Variants in ADAMTS9 observed in about 807,000 individuals in gnomAD.
The protein encoded by ADAMTS9 is ADAM metallopeptidase with thrombospondin type 1 motif 9.
In ADAMTS9, 107 loss-of-function variants were observed where a neutral mutation model predicts 257.1. The ratio of observed to expected loss-of-function variants is 0.42; its 90% CI spans 0.36 to 0.49. ADAMTS9 has a LOEUF of 0.49. Among genes scored for constraint, ADAMTS9 ranks in the 20% least tolerant of loss-of-function variants. The pLI is 0.03. For missense variants in ADAMTS9, 2,353 were observed against 2,469.1 expected (o/e 0.95, Z 1.00); for synonymous variants, 982 against 880.9 (o/e 1.11, Z -2.03).
At chr3:64,655,908 G>A in intron 4 of ADAMTS9, 33 bp from the exon 5 acceptor site, 1 of 1,389,216 alleles carries the variant, frequency 7.2e-7, no homozygotes, top group Non-Finnish European at 9.8e-7. Context: ...AAAGTTAATT[G>A]TGAACTCCGT....
At position 64,602,014 on chromosome 3, in the gene ADAMTS9, G is replaced by C. The variant is rs1297111412; in HGVS notation, c.3947C>G (p.Pro1316Arg). The change falls in exon 26 of 40, where the codon CCC (proline) becomes CGC (arginine). Residue 1316 changes from proline to arginine, a missense_variant. Physicochemically the swap from Pro to Arg is moderately radical, Grantham distance 103. Around this residue, in one of 3 missense-constraint regions of ADAMTS9, gnomAD observed 1,402 missense variants for 1,441.4 expected, o/e 0.97. Transcript: ENST00000498707. ...QHPFQNEDYR[P>R]RSASPSRTHV... is the part of the protein sequence containing the mutation. ...GGTGCGGCTGGGGCTGGCGCTCCGG[G>C]GACGATAGTCCTCATTTTGGAAGGG... 4.3e-6 allele frequency: 7 copies of C among 1,613,872 alleles called. No individual in the cohort carries two copies. Among genetic ancestry groups the C allele is most frequent in the Non-Finnish European group, 5.9e-6 (7 of 1,179,990 alleles).
At chr3:64,548,570 C>A (rs907295921) in intron 31 of ADAMTS9, among the ~76,000 whole-genome samples, 14 of 145,268 alleles carry the variant, frequency 9.6e-5, no homozygotes, top group Admixed American at 7.1e-4. Context: ...AAACCAGGAG[C>A]AAAAGTCGTC....
chr3:64,622,443 T>A lies in ADAMTS9; in HGVS notation c.2533A>T (p.Ile845Phe). The stretch of plus-strand genomic sequence containing the variant: ...ACCTGAAGCAAAAGTTCTTGCTCAA[T>A]GCGATCTGTTGAGTTAATTCTTTCT... ...AVERINSTDRIEQELLLQVLS... is the reference protein window; with the variant it reads ...AVERINSTDRFEQELLLQVLS... Residue 845 changes from isoleucine to phenylalanine, a missense_variant, in exon 17 of 40, where the codon ATT (isoleucine) becomes TTT (phenylalanine). This residue lies in a region of ADAMTS9 where 1,402 missense variants were observed against 1,441.4 expected (regional missense o/e 0.97). Transcript: ENST00000498707. 6.2e-7 allele frequency: 1 copy of A among 1,614,000 alleles called. No individual in the cohort carries two copies. Among genetic ancestry groups the A allele is most frequent in the Non-Finnish European group, 8.5e-7 (1 of 1,179,968 alleles).
intron 38 of ADAMTS9, among the ~76,000 whole-genome samples, chr3:64,528,992 C>T (rs372147310): frequency 2.0e-5 from 3 of 152,130 alleles, no homozygotes; most frequent in Non-Finnish European, 4.4e-5. Context: ...CAGCCACTGA[C>T]GGTTTTCACT....
intron 8 of ADAMTS9, among the ~76,000 whole-genome samples, chr3:64,653,883 C>G (rs1396535775): frequency 6.6e-6 from 1 of 152,112 alleles, no homozygotes; most frequent in Non-Finnish European, 1.5e-5. Context: ...CTACTGTTCC[C>G]AGTGCTAAAT....
At chr3:64,552,408 C>T (rs1296026295) in intron 30 of ADAMTS9, among the ~76,000 whole-genome samples, 1 of 152,162 alleles carries the variant, frequency 6.6e-6, no homozygotes, top group Non-Finnish European at 1.5e-5. Context: ...TGTCACCCAA[C>T]ATTTCAAGAC....
chr3:64,560,917 G>T (rs2083409854), intron 30 of ADAMTS9, among the ~76,000 whole-genome samples: 1 of 151,974 alleles, frequency 6.6e-6, no homozygotes, highest in Non-Finnish European at 1.5e-5. Context: ...GGAAACAGAG[G>T]TTACCTCCTA....
intron 3 of ADAMTS9, among the ~76,000 whole-genome samples, chr3:64,670,436 C>A (rs1337603120): frequency 6.6e-6 from 1 of 152,164 alleles, no homozygotes; most frequent in Non-Finnish European, 1.5e-5. Flanking sequence ...ATTTTTTGGG[C>A]AAGCTCTATA....
chr3:64,627,022 T>A (rs564040489), intron 16 of ADAMTS9, among the ~76,000 whole-genome samples: 1 of 152,198 alleles, frequency 6.6e-6, no homozygotes, highest in East Asian at 1.9e-4. Context: ...GACAGTATGA[T>A]GTGCTGTCAA....
chr3:64,621,104 A>T lies in ADAMTS9; in HGVS notation c.2813+10T>A. 1.2e-6 allele frequency: 2 copies of T among 1,601,122 alleles called. No homozygotes were observed. Among genetic ancestry groups the T allele is most frequent in the Non-Finnish European group, 1.7e-6 (2 of 1,175,252 alleles). ...TCAGTAATAAAGGCCTTGAGAAAAC[A>T]GTGGCCCACCTCAGGTCACAGTCTG... is the stretch of plus-strand genomic sequence containing the variant. On this transcript the variant is annotated intron_variant, in intron 19 of 39. Transcript: ENST00000498707.
At position 64,686,737 on chromosome 3, in the gene ADAMTS9, T is replaced by C. The variant is rs757837773; in HGVS notation, c.347A>G (p.Asn116Ser). The C allele has an allele frequency of 1.9e-6, 3 of 1,614,160 alleles. No homozygotes were observed. Among genetic ancestry groups the C allele is most frequent in the Non-Finnish European group, 1.7e-6 (2 of 1,180,028 alleles). Reference protein sequence around the residue: ...GQQFLFNLTANAGFIAPLFTV... With the variant: ...GQQFLFNLTASAGFIAPLFTV... The stretch of plus-strand genomic sequence containing the variant: ...GAACAGTGGAGCGATAAATCCGGCA[T>C]TGGCGGTGAGATTAAATAGAAACTG... The change falls in exon 2 of 40, where the codon AAT (asparagine) becomes AGT (serine). Residue 116 changes from asparagine (N) to serine (S), a missense_variant. By Grantham distance (46) the Asn-to-Ser change is conservative. Around this residue, in one of 3 missense-constraint regions of ADAMTS9, gnomAD observed 591 missense variants for 569.6 expected, o/e 1.04. Coordinates refer to ENST00000498707, the MANE Select transcript of ADAMTS9 (RefSeq NM_182920.2). This position sits in a 1 kb window ranked among gnomAD's most constrained non-coding sequence, Gnocchi z 4.6.
At chr3:64,549,061 G>A (rs532098831) in intron 31 of ADAMTS9, among the ~76,000 whole-genome samples, 110 of 152,316 alleles carry the variant, frequency 7.2e-4, no homozygotes, top group African/African-American at 2.6e-3. Flanking sequence ...GTCCCAGAGA[G>A]AAGGCATGTC....
chr3:64,642,537 C>T (rs999828208), intron 11 of ADAMTS9, among the ~76,000 whole-genome samples: 1 of 152,164 alleles, frequency 6.6e-6, no homozygotes, highest in Non-Finnish European at 1.5e-5. Context: ...CTACAGAGAG[C>T]CCTAAACTTT....
intron 37 of ADAMTS9, among the ~76,000 whole-genome samples, chr3:64,535,989 C>A (rs908175217): frequency 1.3e-5 from 2 of 152,168 alleles, no homozygotes; most frequent in African/African-American, 4.8e-5. Flanking sequence ...CTGCCTGTCC[C>A]ACCTGCACTG....
At chr3:64,586,038 G>A (rs929616870) in intron 28 of ADAMTS9, among the ~76,000 whole-genome samples, 5 of 152,050 alleles carry the variant, frequency 3.3e-5, no homozygotes, top group African/African-American at 4.8e-5. Context: ...AATGAGATGA[G>A]GGGATTATAT....
At chr3:64,594,132 G>A (rs1218695376) in intron 28 of ADAMTS9, 126 bp downstream of exon 28, 1 of 989,254 alleles carries the variant, frequency 1.0e-6, no homozygotes, top group Non-Finnish European at 1.5e-6. Flanking sequence ...GAAAATAATA[G>A]ACTATTTATA....
intron 37 of ADAMTS9, among the ~76,000 whole-genome samples, chr3:64,534,418 G>C (rs920712222): frequency 6.6e-6 from 1 of 152,200 alleles, no homozygotes; most frequent in Non-Finnish European, 1.5e-5. Context: ...TAATTGTTTT[G>C]TAAGTGTTCG....
rs992559687 is a variant in ADAMTS9 at position 64,687,909 on chromosome 3, G to T, written c.-252C>A. 1.4e-5 allele frequency: 5 copies of T among 360,690 alleles called. No homozygotes were observed. The highest frequency in any genetic ancestry group is 2.5e-5 in the Non-Finnish European group (5 of 199,064). The allele number at this position is 360,690 out of a possible 1,614,324, so 22.3% of individuals were successfully genotyped here. ...GCCGGAGGAGCAGGAGGAGGAGGAG[G>T]ACTGGGGCTCGGCTGCTTGGCCGCA... On this transcript the variant is annotated 5_prime_UTR_variant, in exon 1 of 40. Transcript: ENST00000498707. This position sits in a 1 kb window ranked among gnomAD's most constrained non-coding sequence, Gnocchi z 4.4.
intron 2 of ADAMTS9, among the ~76,000 whole-genome samples, chr3:64,682,976 T>C (rs915791424): frequency 2.0e-5 from 3 of 152,224 alleles, no homozygotes; most frequent in Non-Finnish European, 4.4e-5. Context: ...TAGAATGTTT[T>C]TGTTTTTTGT....
Sources: allele counts gnomAD v4.1 joint callset (sites outside exome capture counted in the v4.1 genomes callset), GRCh38; gene constraint gnomAD v4.1.1; regional missense constraint gnomAD v4.1.1; non-coding constraint Gnocchi (gnomAD v3.1); transcripts MANE v1.5; gene names NCBI Gene and HGNC (gene_info 2026-07-23, HGNC 2026-07-21).